BMERB1: variants seen among roughly 807,000 people sequenced by gnomAD.
BMERB1 encodes bMERB domain containing 1.
BMERB1 carries 12 observed loss-of-function variants against 23.6 expected under a neutral mutation model. That is an observed-to-expected ratio of 0.51 (90% CI 0.33 to 0.82). The LOEUF (loss-of-function observed/expected upper bound fraction) is 0.82, where lower values mean the gene tolerates loss of function less well. BMERB1 is among the 40% of genes least tolerant of loss of function. The pLI, the probability that BMERB1 is intolerant of heterozygous loss-of-function variation, is 0.03. For missense variants in BMERB1, 247 were observed against 255.4 expected (o/e 0.97, Z 0.22); for synonymous variants, 122 against 96.6 (o/e 1.26, Z -1.54).
intron 1 of BMERB1, among the ~76,000 whole-genome samples, chr16:15,479,461 T>TA (rs1336923001): frequency 6.6e-6 from 1 of 152,142 alleles, no homozygotes; most frequent in East Asian, 1.9e-4. Flanking sequence ...AAGTAAACCT[T>TA]AAAAATGACT....
At chr16:15,561,329 C>T (rs1236502185) in intron 2 of BMERB1, among the ~76,000 whole-genome samples, 3 of 127,786 alleles carry the variant, frequency 2.3e-5, no homozygotes, top group Non-Finnish European at 4.7e-5. Flanking sequence ...AGTGCAGTGG[C>T]ATGATCTTGA....
At chr16:15,567,907 T>A (rs2030619517) in intron 2 of BMERB1, 76 bp from the exon 3 acceptor site, 2 of 1,337,684 alleles carry the variant, frequency 1.5e-6, no homozygotes, top group Non-Finnish European at 2.1e-6. Context: ...ATAGCTTCTT[T>A]GTGTTAACCG....
At chr16:15,529,342 A>T (rs1187690047) in intron 2 of BMERB1, among the ~76,000 whole-genome samples, 1 of 152,114 alleles carries the variant, frequency 6.6e-6, no homozygotes, top group African/African-American at 2.4e-5. Context: ...GTTGTTTATA[A>T]GCCACCTAGG....
Position 15,520,313 on chromosome 16 carries a change from C to A in BMERB1, c.230+4885C>A, listed in dbSNP as rs189030087. Among the ~76,000 whole-genome samples, 1,345 of 152,064 alleles carry A rather than the reference C, an allele frequency of 8.8e-3. 63 individuals are homozygous for A. The highest frequency in any genetic ancestry group is 0.08 in the Admixed American group (1,221 of 15,262). On this transcript the variant is annotated intron_variant, in intron 2 of 5. Transcript: ENST00000300006. ...TTCTCTTTGCCTTACTCTTTTACAA[C>A]GCAAGGACAAACCCCCGATTAGATG... is the stretch of plus-strand genomic sequence containing the variant.
At chr16:15,465,198 G>A (rs2051170468) in intron 1 of BMERB1, among the ~76,000 whole-genome samples, 1 of 152,026 alleles carries the variant, frequency 6.6e-6, no homozygotes, top group Non-Finnish European at 1.5e-5. Context: ...TGTCATCACT[G>A]GGGAACATTG....
At chr16:15,568,189 C>T in intron 3 of BMERB1, 133 bp downstream of exon 3, 1 of 693,304 alleles carries the variant, frequency 1.4e-6, no homozygotes, top group Non-Finnish European at 2.4e-6. Context: ...ATGTGTCAAA[C>T]ACAACTTCGA....
chr16:15,547,500 G>A (rs764090153), intron 2 of BMERB1, among the ~76,000 whole-genome samples: 10 of 151,238 alleles, frequency 6.6e-5, no homozygotes, highest in Non-Finnish European at 1.5e-4. Flanking sequence ...CTGCCACCAC[G>A]CCCAGCTAAT....
At chr16:15,444,121 T>TTG in intron 1 of BMERB1, among the ~76,000 whole-genome samples, 1 of 120,118 alleles carries the variant, frequency 8.3e-6, no homozygotes, top group African/African-American at 3.1e-5. Flanking sequence ...GGCACCAGCT[T>TTG]TGTTTTTTTT....
At chr16:15,520,542 G>T (rs963349287) in intron 2 of BMERB1, among the ~76,000 whole-genome samples, 1 of 149,974 alleles carries the variant, frequency 6.7e-6, no homozygotes, top group Non-Finnish European at 1.5e-5. Context: ...AGTGCAGTGG[G>T]GCACGATCTG....
chr16:15,495,991 TTGA>T (rs754370085), intron 1 of BMERB1, among the ~76,000 whole-genome samples: 76 of 144,622 alleles, frequency 5.3e-4, no homozygotes, highest in South Asian at 2.5e-3. Flanking sequence ...GATAGTGATG[TTGA>T]TGGTGGTGGT....
At chr16:15,445,185 G>A (rs1014131961) in intron 1 of BMERB1, among the ~76,000 whole-genome samples, 8 of 152,232 alleles carry the variant, frequency 5.3e-5, no homozygotes, top group African/African-American at 1.7e-4. Context: ...GAGCCACCAC[G>A]CCTGGTTATT....
chr16:15,501,577 C>G (rs550735419), intron 1 of BMERB1, among the ~76,000 whole-genome samples: 1 of 152,282 alleles, frequency 6.6e-6, no homozygotes, highest in African/African-American at 2.4e-5. Flanking sequence ...CCAGTTCAAG[C>G]AATTCTCCTG....
intron 1 of BMERB1, among the ~76,000 whole-genome samples, chr16:15,451,903 A>G (rs944761816): frequency 2.6e-5 from 4 of 151,910 alleles, no homozygotes; most frequent in African/African-American, 9.7e-5. Context: ...TGTGATCCAC[A>G]GTAAGTAAAC....
At chr16:15,540,298 G>C (rs2052066476) in intron 2 of BMERB1, among the ~76,000 whole-genome samples, 1 of 152,020 alleles carries the variant, frequency 6.6e-6, no homozygotes, top group Non-Finnish European at 1.5e-5. Context: ...GGCTGAGGTG[G>C]GGAGATCACT....
In BMERB1 at chr16:15,504,143, C is replaced by T. The variant is rs75028395; in HGVS notation, c.107-11162C>T. Among the ~76,000 whole-genome samples, 408 of 152,272 alleles carry T rather than the reference C, an allele frequency of 2.7e-3. 8 individuals are homozygous for T. The East Asian group carries it at 0.053, about 20-fold the overall frequency. Reference sequence around the variant, plus strand: ...CAGAGTCACTGATGCATGGCTCAAGCGTGAGAGCTGGACTCTGAAACCCAA... The same window carrying T: ...CAGAGTCACTGATGCATGGCTCAAGTGTGAGAGCTGGACTCTGAAACCCAA... On this transcript the variant is annotated intron_variant, in intron 1 of 5. Transcript: ENST00000300006.
At position 15,434,699 on chromosome 16, in the gene BMERB1, C is replaced by T; in HGVS notation, c.46C>T (p.Pro16Ser). 6.2e-7 allele frequency: 1 copy of T among 1,613,910 alleles called. No individual in the cohort carries two copies. Among genetic ancestry groups the T allele is most frequent in the East Asian group, 2.2e-5 (1 of 44,872 alleles). ...GTCCACCCATCTGGAAGCCGAGAAG[C>T]CTCTGAGGCGCTATGGGGCGGTGGA... ...SLSTHLEAEKPLRRYGAVEET... is the reference protein window; with the variant it reads ...SLSTHLEAEKSLRRYGAVEET... The change falls in exon 1 of 6, where the codon CCT becomes TCT. Residue 16 changes from proline to serine, a missense_variant. Transcript: ENST00000300006.
intron 1 of BMERB1, among the ~76,000 whole-genome samples, chr16:15,486,575 AT>A (rs1477083903): frequency 6.6e-6 from 1 of 152,200 alleles, no homozygotes; most frequent in Non-Finnish European, 1.5e-5. Context: ...ACCTGATCCA[AT>A]CAAATATGGA....
At chr16:15,521,902 C>T (rs2051857754) in intron 2 of BMERB1, among the ~76,000 whole-genome samples, 1 of 152,166 alleles carries the variant, frequency 6.6e-6, no homozygotes, top group Non-Finnish European at 1.5e-5. Flanking sequence ...CTGCCCCCAT[C>T]TTACTGCAGG....
chr16:15,435,406 T>G (rs1160330160), intron 1 of BMERB1, among the ~76,000 whole-genome samples: 1 of 152,240 alleles, frequency 6.6e-6, no homozygotes, highest in Admixed American at 6.5e-5. Context: ...ATTTATTTAC[T>G]GGTTCTCTCT....
Sources: gnomAD v4.1 joint callset for allele counts (sites outside exome capture counted in the v4.1 genomes callset) on GRCh38, gnomAD v4.1.1 for gene constraint, MANE v1.5 for transcripts, NCBI Gene and HGNC (gene_info 2026-07-23, HGNC 2026-07-21) for gene names.